Variants in ZFHX3 observed in about 807,000 individuals in gnomAD.
The protein encoded by ZFHX3 is zinc finger homeobox protein 3.
In ZFHX3, 42 loss-of-function variants were observed where a neutral mutation model predicts 279.1. The ratio of observed to expected loss-of-function variants is 0.15; its 90% CI spans 0.12 to 0.19. The LOEUF (loss-of-function observed/expected upper bound fraction) is 0.19, where lower values mean the gene tolerates loss of function less well. ZFHX3 is among the 10% of genes least tolerant of loss of function. ZFHX3 has a pLI of 1.00. For missense variants in ZFHX3, 4,981 were observed against 4,754.0 expected, an observed-to-expected ratio of 1.05 and a Z score of -1.40; for synonymous variants, 2,293 against 1,957.8, an observed-to-expected ratio of 1.17 and a Z score of -4.52.
intron 2 of ZFHX3, among the ~76,000 whole-genome samples, chr16:73,507,128 G>C (rs1232610964): frequency 2.0e-5 from 3 of 152,100 alleles, no homozygotes; most frequent in Non-Finnish European, 4.4e-5. Flanking sequence ...TGTCCTAATG[G>C]CTGCCTATAT....
At chr16:73,163,952 A>G (rs1330564141) in intron 5 of ZFHX3, among the ~76,000 whole-genome samples, 1 of 152,164 alleles carries the variant, frequency 6.6e-6, no homozygotes, top group Non-Finnish European at 1.5e-5. Context: ...TGAGGTAGGC[A>G]GGGTAGTAAA....
intron 4 of ZFHX3, among the ~76,000 whole-genome samples, chr16:72,839,391 T>C (rs1452366640): frequency 1.3e-5 from 2 of 152,190 alleles, no homozygotes; most frequent in African/African-American, 2.4e-5. Flanking sequence ...CCTTTCTCTT[T>C]TTCTCCTTTC....
chr16:73,560,978 C>A (rs1349169320), intron 2 of ZFHX3, among the ~76,000 whole-genome samples: 1 of 151,952 alleles, frequency 6.6e-6, no homozygotes, highest in Non-Finnish European at 1.5e-5. Flanking sequence ...TAAATTGATC[C>A]CTAATTAGGG....
chr16:73,636,034 C>T lies in ZFHX3; in HGVS notation c.-1547+44146G>A, dbSNP rs188505430. ...CTATTGAAACAGGGCAGCTTATTTT[C>T]GCTCCTCACCCTGTTTGATCTTTCT... On this transcript the variant is annotated intron_variant, in intron 2 of 17. Transcript: ENST00000641206. Among the ~76,000 whole-genome samples, 490 of 152,114 alleles carry T rather than the reference C, an allele frequency of 3.2e-3. 3 individuals carry two copies. Among genetic ancestry groups the T allele is most frequent in the African/African-American group, 0.011 (452 of 41,500 alleles).
chr16:72,964,710 G>A (rs184087791), intron 1 of ZFHX3, among the ~76,000 whole-genome samples: 1 of 151,710 alleles, frequency 6.6e-6, no homozygotes, highest in African/African-American at 2.4e-5. Flanking sequence ...CCATCATACT[G>A]GAAGTCATCA....
At chr16:73,798,703 C>A (rs983771446) in intron 1 of ZFHX3, among the ~76,000 whole-genome samples, 1 of 152,250 alleles carries the variant, frequency 6.6e-6, no homozygotes, top group East Asian at 1.9e-4. Context: ...GACGTCAAGA[C>A]CATTTCCAAC....
At chr16:73,350,112 G>A (rs577502214) in intron 3 of ZFHX3, among the ~76,000 whole-genome samples, 6 of 151,974 alleles carry the variant, frequency 3.9e-5, no homozygotes, top group Admixed American at 1.3e-4. Context: ...ACAGTTTGAG[G>A]GAGGATGCTG....
At chr16:73,157,079 G>T (rs145669259) in intron 5 of ZFHX3, among the ~76,000 whole-genome samples, 6 of 151,936 alleles carry the variant, frequency 3.9e-5, no homozygotes, top group African/African-American at 9.7e-5. Context: ...TATAAGCCAC[G>T]TTTCTAAAGC....
At chr16:73,862,687 G>T (rs1261012905) in intron 1 of ZFHX3, among the ~76,000 whole-genome samples, 1 of 152,138 alleles carries the variant, frequency 6.6e-6, no homozygotes, top group Non-Finnish European at 1.5e-5. Context: ...TGAGGTGGGA[G>T]GATCACTTGA....
intron 1 of ZFHX3, among the ~76,000 whole-genome samples, chr16:72,995,957 T>A (rs1024260283): frequency 1.4e-4 from 21 of 152,180 alleles, no homozygotes; most frequent in African/African-American, 5.1e-4. Context: ...TCTTGGTAAT[T>A]ATGAAGGCAT....
chr16:73,701,556 T>C (rs1303348045), intron 1 of ZFHX3, among the ~76,000 whole-genome samples: 1 of 152,222 alleles, frequency 6.6e-6, no homozygotes. Flanking sequence ...TTTTTCTTTT[T>C]ATTATTTCAT....
chr16:73,707,016 T>G (rs1192909254), intron 1 of ZFHX3, among the ~76,000 whole-genome samples: 1 of 152,222 alleles, frequency 6.6e-6, no homozygotes. Flanking sequence ...AGAAGCTGGA[T>G]AAAACTAAAT....
At chr16:73,419,118 C>G (rs1056912404) in intron 3 of ZFHX3, among the ~76,000 whole-genome samples, 4 of 152,198 alleles carry the variant, frequency 2.6e-5, no homozygotes, top group Admixed American at 2.6e-4. Flanking sequence ...ACCTTGTAAA[C>G]GTAGGCTTTC....
intron 2 of ZFHX3, among the ~76,000 whole-genome samples, chr16:72,951,354 G>A (rs1316083937): frequency 3.3e-5 from 5 of 151,832 alleles, no homozygotes; most frequent in African/African-American, 7.3e-5. Context: ...TCTGCCTCCC[G>A]GGTTCAAGCG....
At chr16:73,084,951 T>A (rs1043795999) in intron 8 of ZFHX3, among the ~76,000 whole-genome samples, 7 of 152,150 alleles carry the variant, frequency 4.6e-5, no homozygotes, top group South Asian at 2.1e-4. Flanking sequence ...AAAGAATTAA[T>A]GTTAAAATGT....
chr16:73,350,965 C>G (rs552254139), intron 3 of ZFHX3, among the ~76,000 whole-genome samples: 59 of 152,296 alleles, frequency 3.9e-4, no homozygotes, highest in South Asian at 1.2e-3. Context: ...AACCCATGCA[C>G]CGGTCCAACC....
intron 2 of ZFHX3, among the ~76,000 whole-genome samples, chr16:73,598,574 C>T (rs889868697): frequency 3.3e-5 from 5 of 151,688 alleles, no homozygotes; most frequent in South Asian, 2.1e-4. Context: ...CGCATCGCCA[C>T]GCCCGACCAA....
chr16:73,518,753 C>T (rs182836399), intron 2 of ZFHX3, among the ~76,000 whole-genome samples: 4 of 152,298 alleles, frequency 2.6e-5, no homozygotes, highest in African/African-American at 7.2e-5. Context: ...GCTTTTTCCC[C>T]GTTCTGCCGT....
At chr16:73,800,279 G>A (rs765964832) in intron 1 of ZFHX3, among the ~76,000 whole-genome samples, 14 of 151,538 alleles carry the variant, frequency 9.2e-5, no homozygotes, top group Admixed American at 4.6e-4. Context: ...GCACAGTGAC[G>A]CAATTTCAGC....
Sources: allele counts gnomAD v4.1 joint callset (sites outside exome capture counted in the v4.1 genomes callset), GRCh38; gene constraint gnomAD v4.1.1; transcripts MANE v1.5; gene names NCBI Gene and HGNC (gene_info 2026-07-23, HGNC 2026-07-21).